DLGAP2: variants seen among roughly 807,000 people sequenced by gnomAD.
The protein encoded by DLGAP2 is DLG associated protein 2.
In DLGAP2, 26 loss-of-function variants were observed where a neutral mutation model predicts 100.3. The ratio of observed to expected loss-of-function variants is 0.26; its 90% CI spans 0.19 to 0.36. The LOEUF is 0.36. Ranked by LOEUF, DLGAP2 falls within the 10% of genes least tolerant of loss-of-function variation. The probability of loss-of-function intolerance (pLI) is 1.00; values close to 1 mark genes in which losing one functional copy is unlikely to be tolerated. For missense variants in DLGAP2, 1,858 were observed against 1,453.2 expected (o/e 1.28, Z -4.53); for synonymous variants, 886 against 630.1 (o/e 1.41, Z -6.08).
chr8:1,050,776 A>G (rs187907024), intron 2 of DLGAP2, among the ~76,000 whole-genome samples: 2 of 152,330 alleles, frequency 1.3e-5, no homozygotes, highest in African/African-American at 4.8e-5. Flanking sequence ...TTTGAAGGGC[A>G]GATTCTCAGA....
chr8:1,250,754 G>T (rs1232483190), intron 2 of DLGAP2, among the ~76,000 whole-genome samples: 1 of 152,126 alleles, frequency 6.6e-6, no homozygotes, highest in Non-Finnish European at 1.5e-5. Flanking sequence ...ACTTGAGTTT[G>T]AATGCAATTA....
At chr8:1,481,814 G>A (rs568315276) in intron 3 of DLGAP2, among the ~76,000 whole-genome samples, 65 of 152,196 alleles carry the variant, frequency 4.3e-4, no homozygotes, top group Non-Finnish European at 9.1e-4. Flanking sequence ...TCCCAGAAGG[G>A]GAATTTAAAA....
chr8:1,100,953 C>T (rs998647856), intron 2 of DLGAP2, among the ~76,000 whole-genome samples: 1 of 152,142 alleles, frequency 6.6e-6, no homozygotes, highest in African/African-American at 2.4e-5. Context: ...TAAGCAATAC[C>T]AGTTACATTT....
At chr8:844,990 G>C (rs1002658702) in intron 1 of DLGAP2, among the ~76,000 whole-genome samples, 10 of 152,198 alleles carry the variant, frequency 6.6e-5, no homozygotes, top group African/African-American at 2.2e-4. Flanking sequence ...GTTCGTCCAT[G>C]TCATGTCAGG....
chr8:1,686,767 G>A (rs1245408453), intron 12 of DLGAP2, among the ~76,000 whole-genome samples: 4 of 152,074 alleles, frequency 2.6e-5, no homozygotes, highest in Non-Finnish European at 4.4e-5. Flanking sequence ...ATACTAATGG[G>A]TACAAAAATA....
intron 3 of DLGAP2, chr8:1,302,192 C>A (rs62483944): frequency 6.7e-5 from 8 of 118,698 alleles, no homozygotes; most frequent in Non-Finnish European, 1.1e-4. Flanking sequence ...TACCTGGGAC[C>A]GGACTCGGAA....
Position 1,529,459 on chromosome 8 carries a change from G to A in DLGAP2, c.173-19167G>A, listed in dbSNP as rs114927024. ...TCAGTGGTGGCCAACAAGATGGACC[G>A]AAGACTTCAGAAGCAACAGGAGAGC... On this transcript the variant is annotated intron_variant, in intron 4 of 14. Coordinates refer to ENST00000637795, the MANE Select transcript of DLGAP2 (RefSeq NM_001346810.2). Among the ~76,000 whole-genome samples, 810 of 152,274 alleles carry A rather than the reference G, an allele frequency of 5.3e-3. 8 individuals carry two copies. Among genetic ancestry groups the A allele is most frequent in the African/African-American group, 0.017 (705 of 41,558 alleles).
chr8:1,561,193 A>T (rs73546213), intron 5 of DLGAP2, among the ~76,000 whole-genome samples: 14,288 of 152,200 alleles, frequency 0.094, 737 homozygotes, highest in South Asian at 0.13. Flanking sequence ...GCCTTCTGCC[A>T]TGACTGCGAG....
chr8:1,307,507 T>G (rs897375816), intron 3 of DLGAP2, among the ~76,000 whole-genome samples: 2 of 152,112 alleles, frequency 1.3e-5, no homozygotes, highest in African/African-American at 4.8e-5. Flanking sequence ...CCCCAGAAAT[T>G]TCACTTCTGG....
intron 12 of DLGAP2, 101 bp from the exon 13 acceptor site, chr8:1,691,434 C>A (rs1715822573): frequency 2.0e-6 from 2 of 990,942 alleles, no homozygotes; most frequent in Non-Finnish European, 3.0e-6. Context: ...CAGTTTTCAT[C>A]TCCAGTGGGA....
intron 1 of DLGAP2, among the ~76,000 whole-genome samples, chr8:818,990 T>C (rs1796537431): frequency 6.6e-6 from 1 of 152,252 alleles, no homozygotes; most frequent in South Asian, 2.1e-4. Flanking sequence ...TCAGATATTT[T>C]ATAGGTAAAC....
intron 2 of DLGAP2, among the ~76,000 whole-genome samples, chr8:1,199,645 G>T (rs1797827225): frequency 6.6e-6 from 1 of 152,136 alleles, no homozygotes; most frequent in Non-Finnish European, 1.5e-5. Context: ...GAAAGTGAAT[G>T]CTGTCCTTTT....
intron 2 of DLGAP2, among the ~76,000 whole-genome samples, chr8:1,194,373 G>T (rs1333128073): frequency 6.6e-6 from 1 of 152,084 alleles, no homozygotes; most frequent in Non-Finnish European, 1.5e-5. Context: ...TCGGTTGGCG[G>T]CCGGCCCACA....
chr8:1,212,352 C>T (rs1798122748), intron 2 of DLGAP2, among the ~76,000 whole-genome samples: 1 of 152,230 alleles, frequency 6.6e-6, no homozygotes, highest in Non-Finnish European at 1.5e-5. Context: ...TCCTTCCTCT[C>T]AGGCTGAGAC....
intron 3 of DLGAP2, among the ~76,000 whole-genome samples, chr8:1,348,676 G>C (rs1253471139): frequency 6.6e-6 from 1 of 152,194 alleles, no homozygotes; most frequent in Non-Finnish European, 1.5e-5. Context: ...TGTGGAGGTT[G>C]AGTGCCCAGC....
At chr8:1,157,492 C>G (rs1306104805) in intron 2 of DLGAP2, among the ~76,000 whole-genome samples, 1 of 152,140 alleles carries the variant, frequency 6.6e-6, no homozygotes, top group Non-Finnish European at 1.5e-5. Context: ...TCTCCCAGCC[C>G]CTGAAGACCC....
intron 3 of DLGAP2, among the ~76,000 whole-genome samples, chr8:1,355,352 T>C (rs548323371): frequency 1.3e-5 from 2 of 152,016 alleles, no homozygotes; most frequent in Non-Finnish European, 2.9e-5. Flanking sequence ...TCTAAGCAAG[T>C]ATGAGTGGTT....
intron 3 of DLGAP2, among the ~76,000 whole-genome samples, chr8:1,362,746 C>T (rs1257567018): frequency 6.6e-6 from 1 of 152,242 alleles, no homozygotes; most frequent in East Asian, 1.9e-4. Flanking sequence ...GCCTTAGTGT[C>T]AAGCAACAGC....
At chr8:948,611 G>A (rs1799393666) in intron 2 of DLGAP2, among the ~76,000 whole-genome samples, 2 of 152,346 alleles carry the variant, frequency 1.3e-5, no homozygotes, top group African/African-American at 4.8e-5. Context: ...TCCTCAAGGC[G>A]CCGTGGAAGG....
Sources: gnomAD v4.1 joint callset for allele counts (sites outside exome capture counted in the v4.1 genomes callset) on GRCh38, gnomAD v4.1.1 for gene constraint, MANE v1.5 for transcripts, NCBI Gene and HGNC (gene_info 2026-07-23, HGNC 2026-07-21) for gene names.